The following COP1 variants were observed in gnomAD, a reference collection of about 807,000 sequenced individuals.
COP1 encodes COP1 E3 ubiquitin ligase.
A neutral mutation model predicts 101.3 loss-of-function variants in COP1; 24 were observed. That is an observed-to-expected ratio of 0.24 (90% CI 0.17 to 0.33). COP1 has a LOEUF of 0.33. Among genes scored for constraint, COP1 ranks in the 10% least tolerant of loss-of-function variants. COP1 has a pLI of 1.00. For synonymous variants in COP1, 347 were observed against 341.9 expected (o/e 1.01, Z -0.17); for missense variants, 663 against 906.2 (o/e 0.73, Z 3.45).
intron 3 of COP1, among the ~76,000 whole-genome samples, chr1:176,167,465 T>C (rs1454731286): frequency 6.6e-6 from 1 of 152,194 alleles, no homozygotes; most frequent in Non-Finnish European, 1.5e-5. Flanking sequence ...GACATGCTCC[T>C]GGATTTTAAG....
chr1:176,086,682 G>A (rs1261535127), intron 9 of COP1, among the ~76,000 whole-genome samples: 7 of 152,120 alleles, frequency 4.6e-5, no homozygotes, highest in African/African-American at 1.4e-4. Context: ...TGGCCATACT[G>A]CCCAAAGTAA....
chr1:175,947,062 G>A (rs1649268981), intron 19 of COP1, 133 bp downstream of exon 19: 1 of 686,754 alleles, frequency 1.5e-6, no homozygotes. Context: ...CTTAAATCAA[G>A]CCATTTGTAA....
chr1:176,195,605 A>G (rs1438883910), intron 1 of COP1, among the ~76,000 whole-genome samples: 2 of 152,206 alleles, frequency 1.3e-5, no homozygotes, highest in African/African-American at 4.8e-5. Flanking sequence ...GACTAATATC[A>G]TACAAACTAT....
chr1:176,127,554 T>C (rs890939422), intron 8 of COP1, among the ~76,000 whole-genome samples: 1 of 144,972 alleles, frequency 6.9e-6, no homozygotes, highest in Non-Finnish European at 1.5e-5. Flanking sequence ...GGTGGAATAG[T>C]ATTCTACTGT....
At chr1:176,005,681 C>T (rs932383988) in intron 15 of COP1, among the ~76,000 whole-genome samples, 5 of 152,100 alleles carry the variant, frequency 3.3e-5, no homozygotes, top group African/African-American at 1.2e-4. Flanking sequence ...ATTCTTAATC[C>T]TGAGTTCTAG....
At chr1:176,149,957 A>G (rs1012317411) in intron 5 of COP1, among the ~76,000 whole-genome samples, 1 of 152,158 alleles carries the variant, frequency 6.6e-6, no homozygotes, top group Non-Finnish European at 1.5e-5. Flanking sequence ...AAATACATGG[A>G]AAAAAAGATT....
intron 1 of COP1, chr1:176,206,360 C>T (rs1700851070): frequency 1.8e-6 from 1 of 568,400 alleles, no homozygotes; most frequent in Non-Finnish European, 3.1e-6. Context: ...TCTTTATTAT[C>T]CCCACCCTGC....
intron 15 of COP1, among the ~76,000 whole-genome samples, chr1:176,021,939 T>G (rs1666818722): frequency 6.6e-6 from 1 of 152,258 alleles, no homozygotes; most frequent in South Asian, 2.1e-4. Flanking sequence ...ACTTGTTAAC[T>G]TTCGTGTTCA....
At chr1:176,003,782 T>C (rs1571578867) in intron 15 of COP1, among the ~76,000 whole-genome samples, 1 of 151,052 alleles carries the variant, frequency 6.6e-6, no homozygotes, top group South Asian at 2.1e-4. Context: ...AGTCAGGTAG[T>C]GTGATGCCTC....
intron 14 of COP1, among the ~76,000 whole-genome samples, chr1:176,037,917 T>C (rs1007240679): frequency 1.1e-4 from 16 of 152,240 alleles, no homozygotes; most frequent in Admixed American, 2.0e-4. Context: ...TATTTACCAT[T>C]ATACTGAAGT....
intron 6 of COP1, among the ~76,000 whole-genome samples, chr1:176,139,156 G>A (rs1690254266): frequency 6.6e-6 from 1 of 151,582 alleles, no homozygotes; most frequent in Admixed American, 6.6e-5. Context: ...CATACAAGTG[G>A]CCATCACACA....
intron 6 of COP1, among the ~76,000 whole-genome samples, chr1:176,138,989 T>C (rs1053364658): frequency 3.3e-5 from 5 of 152,134 alleles, no homozygotes; most frequent in Non-Finnish European, 2.9e-5. Flanking sequence ...GTCTTTAGAA[T>C]AATTGCTTTA....
chr1:175,980,233 C>T (rs879916839), intron 18 of COP1, among the ~76,000 whole-genome samples: 16,224 of 151,744 alleles, frequency 0.11, 971 homozygotes, highest in Middle Eastern at 0.16. Context: ...ACTCAAAATA[C>T]TATGATGTCT....
At chr1:175,992,979 C>G (rs71645268) in intron 15 of COP1, among the ~76,000 whole-genome samples, 515 of 152,348 alleles carry the variant, frequency 3.4e-3, no homozygotes, top group Non-Finnish European at 5.7e-3. Flanking sequence ...AGCAGCCTAA[C>G]TAGGAGGCAC....
chr1:176,023,445 G>T (rs536017205), intron 15 of COP1, among the ~76,000 whole-genome samples: 1 of 152,148 alleles, frequency 6.6e-6, no homozygotes, highest in Non-Finnish European at 1.5e-5. Context: ...CAGGCCAGGC[G>T]TGGTGGCTCA....
chr1:175,992,843 C>T (rs1435616065), intron 15 of COP1, among the ~76,000 whole-genome samples: 1 of 152,202 alleles, frequency 6.6e-6, no homozygotes, highest in African/African-American at 2.4e-5. Context: ...ACAGCAGTAA[C>T]CTCTGCAGAC....
At chr1:176,069,749 C>A (rs902184004) in intron 11 of COP1, among the ~76,000 whole-genome samples, 1 of 152,204 alleles carries the variant, frequency 6.6e-6, no homozygotes, top group Admixed American at 6.5e-5. Context: ...CCTTATATTA[C>A]CCAGAAGGCA....
intron 14 of COP1, among the ~76,000 whole-genome samples, chr1:176,037,747 T>C (rs1669823727): frequency 6.6e-6 from 1 of 152,156 alleles, no homozygotes; most frequent in African/African-American, 2.4e-5. Context: ...TCCATCATGA[T>C]AAAAATTCTC....
chr1:176,094,384 T>C (rs1457018720), intron 9 of COP1, among the ~76,000 whole-genome samples: 3 of 151,388 alleles, frequency 2.0e-5, no homozygotes, highest in Non-Finnish European at 2.9e-5. Context: ...ATAATATTAA[T>C]ATAAAAAATA....
Sources: allele counts gnomAD v4.1 joint callset (sites outside exome capture counted in the v4.1 genomes callset), GRCh38; gene constraint gnomAD v4.1.1; transcripts MANE v1.5; gene names NCBI Gene and HGNC (gene_info 2026-07-23, HGNC 2026-07-21).